Variants in PIBF1 observed in about 807,000 individuals in gnomAD.
PIBF1 encodes progesterone-induced-blocking factor 1.
In PIBF1, 90 loss-of-function variants were observed where a neutral mutation model predicts 112.5. The ratio of observed to expected loss-of-function variants is 0.80; its 90% CI spans 0.67 to 0.95. The LOEUF (loss-of-function observed/expected upper bound fraction) is 0.95, where lower values mean the gene tolerates loss of function less well. Among genes scored for constraint, PIBF1 ranks in the 40% least tolerant of loss-of-function variants. The probability of loss-of-function intolerance (pLI) is 0.00; values close to 1 mark genes in which losing one functional copy is unlikely to be tolerated. For missense variants in PIBF1, 915 were observed against 852.3 expected, an observed-to-expected ratio of 1.07 and a Z score of -0.92; for synonymous variants, 301 against 288.6, an observed-to-expected ratio of 1.04 and a Z score of -0.44.
intron 1 of PIBF1, 107 bp from the exon 2 acceptor site, chr13:72,783,316 A>G: frequency 1.7e-6 from 1 of 594,222 alleles, no homozygotes; most frequent in Non-Finnish European, 2.9e-6. Context: ...GGATGCACTA[A>G]ATTGCCTAAT....
At chr13:72,922,212 A>C (rs964068947) in intron 13 of PIBF1, among the ~76,000 whole-genome samples, 1 of 152,042 alleles carries the variant, frequency 6.6e-6, no homozygotes, top group African/African-American at 2.4e-5. Flanking sequence ...TCCTGGCCTC[A>C]AGCAATCATC....
intron 13 of PIBF1, among the ~76,000 whole-genome samples, chr13:72,925,428 A>G (rs2041445481): frequency 6.6e-6 from 1 of 152,104 alleles, no homozygotes; most frequent in Non-Finnish European, 1.5e-5. Context: ...TTGAACTGTA[A>G]CAGGTTTTTA....
At chr13:73,004,772 G>A (rs150635706) in intron 17 of PIBF1, among the ~76,000 whole-genome samples, 2,575 of 152,274 alleles carry the variant, frequency 0.017, 210 homozygotes, top group Admixed American at 0.15. Flanking sequence ...GGGGTATGGG[G>A]ATTTATTGTT....
chr13:72,874,692 G>T (rs2039319620), intron 10 of PIBF1, among the ~76,000 whole-genome samples: 1 of 152,094 alleles, frequency 6.6e-6, no homozygotes. Flanking sequence ...TTATGAACTT[G>T]CACACTTAAA....
At chr13:72,916,312 A>G (rs2041090320) in intron 12 of PIBF1, among the ~76,000 whole-genome samples, 1 of 151,864 alleles carries the variant, frequency 6.6e-6, no homozygotes, top group African/African-American at 2.4e-5. Flanking sequence ...GAATCGCTTG[A>G]ACCTGGGAGG....
At chr13:72,840,366 G>T (rs759231181) in intron 9 of PIBF1, among the ~76,000 whole-genome samples, 1 of 152,106 alleles carries the variant, frequency 6.6e-6, no homozygotes, top group African/African-American at 2.4e-5. Context: ...GGTTGTGTGT[G>T]TGTGTTTAGG....
chr13:72,885,164 C>T (rs985195181), intron 10 of PIBF1, among the ~76,000 whole-genome samples: 5 of 152,024 alleles, frequency 3.3e-5, no homozygotes, highest in African/African-American at 7.2e-5. Flanking sequence ...GTCATGTCTC[C>T]TTCTACCACC....
chr13:72,919,526 C>T (rs1192717435), intron 13 of PIBF1, among the ~76,000 whole-genome samples: 1 of 152,010 alleles, frequency 6.6e-6, no homozygotes, highest in Non-Finnish European at 1.5e-5. Context: ...TCCAATGTTG[C>T]CTAAGGAAGA....
intron 12 of PIBF1, among the ~76,000 whole-genome samples, chr13:72,909,920 G>A (rs1473660915): frequency 1.3e-5 from 2 of 151,798 alleles, no homozygotes; most frequent in African/African-American, 2.4e-5. Flanking sequence ...TATCCCTAAC[G>A]TTAATAAATA....
At chr13:73,005,736 C>A (rs763484312) in intron 17 of PIBF1, among the ~76,000 whole-genome samples, 4 of 152,136 alleles carry the variant, frequency 2.6e-5, no homozygotes, top group African/African-American at 9.6e-5. Flanking sequence ...CACTGTGCCT[C>A]CCAACATTTT....
At position 72,811,828 on chromosome 13, in the gene PIBF1, C is replaced by T. The variant is rs558481491; in HGVS notation, c.673-10021C>T. Reference sequence around the variant, plus strand: ...TTTTACAAATAATACAAATGGCTTACGATAAAAGTGCATGAGGGAAAAAAA... The same window carrying T: ...TTTTACAAATAATACAAATGGCTTATGATAAAAGTGCATGAGGGAAAAAAA... On this transcript the variant is annotated intron_variant, in intron 5 of 17. Transcript: ENST00000326291. Among the ~76,000 whole-genome samples, 6 of 151,704 alleles carry T rather than the reference C, an allele frequency of 4.0e-5. No homozygotes were observed. In the East Asian group the frequency reaches 5.8e-4, roughly 15 times the overall value.
chr13:72,786,882 A>G (rs1477017654), intron 2 of PIBF1, among the ~76,000 whole-genome samples: 5 of 152,204 alleles, frequency 3.3e-5, no homozygotes, highest in Admixed American at 1.3e-4. Flanking sequence ...TTAGCCTTCC[A>G]TAATTTATTG....
chr13:72,908,583 C>T lies in PIBF1; in HGVS notation c.1541C>T (p.Thr514Ile). The T allele has an allele frequency of 6.2e-7, 1 of 1,612,620 alleles. No homozygotes were observed. Among genetic ancestry groups the T allele is most frequent in the Non-Finnish European group, 8.5e-7 (1 of 1,178,842 alleles). The change falls in exon 12 of 18, where the codon ACT becomes ATT. Residue 514 changes from threonine (T) to isoleucine (I), a missense_variant. By Grantham distance (89) the Thr-to-Ile change is moderately conservative. Coordinates refer to ENST00000326291, the MANE Select transcript of PIBF1 (RefSeq NM_006346.4). ...CAAGCCTCTTCTGAAAAACGCATTA[C>T]TGAACTTCAAGCACAGAACTCAGAG... ...SLQASSEKRI[T>I]ELQAQNSEHQ...
At chr13:72,977,816 TG>T (rs1212416081) in intron 16 of PIBF1, among the ~76,000 whole-genome samples, 1 of 152,200 alleles carries the variant, frequency 6.6e-6, no homozygotes, top group Admixed American at 6.5e-5. Flanking sequence ...GAGTATTTCT[TG>T]AACTATGAGT....
chr13:72,975,044 G>GA (rs2042985497), intron 16 of PIBF1, among the ~76,000 whole-genome samples: 1 of 148,744 alleles, frequency 6.7e-6, no homozygotes, highest in African/African-American at 2.5e-5. Flanking sequence ...TATTCTAATA[G>GA]AAAAAGAAAC....
At chr13:72,920,087 T>C (rs1332984442) in intron 13 of PIBF1, among the ~76,000 whole-genome samples, 1 of 152,178 alleles carries the variant, frequency 6.6e-6, no homozygotes, top group African/African-American at 2.4e-5. Flanking sequence ...CACATTACTA[T>C]TTTTTTAAGA....
intron 16 of PIBF1, among the ~76,000 whole-genome samples, chr13:72,994,898 A>G (rs2043599214): frequency 6.6e-6 from 1 of 152,190 alleles, no homozygotes; most frequent in African/African-American, 2.4e-5. Context: ...ATGAATCATG[A>G]TCATTTCATT....
chr13:72,897,241 A>G (rs2040316076), intron 11 of PIBF1, among the ~76,000 whole-genome samples: 1 of 152,218 alleles, frequency 6.6e-6, no homozygotes, highest in South Asian at 2.1e-4. Flanking sequence ...ATTTTCAGAT[A>G]AATACATGCT....
chr13:72,935,392 T>TC (rs1326429875), intron 14 of PIBF1, among the ~76,000 whole-genome samples: 4 of 152,234 alleles, frequency 2.6e-5, no homozygotes, highest in African/African-American at 4.8e-5. Context: ...TTCATTTTTT[T>TC]CATTACTGAG....
Sources: gnomAD v4.1 joint callset for allele counts (sites outside exome capture counted in the v4.1 genomes callset) on GRCh38, gnomAD v4.1.1 for gene constraint, MANE v1.5 for transcripts, NCBI Gene and HGNC (gene_info 2026-07-23, HGNC 2026-07-21) for gene names.